MAP3K4: variants seen among roughly 807,000 people sequenced by gnomAD.
The protein encoded by MAP3K4 is mitogen-activated protein kinase kinase kinase 4, also known as MAP three kinase 1.
Under a neutral mutation model 185.6 loss-of-function variants are expected in MAP3K4, and 67 were observed. That is an observed-to-expected ratio of 0.36 (90% CI 0.30 to 0.44). MAP3K4 has a LOEUF of 0.44. Among genes scored for constraint, MAP3K4 ranks in the 20% least tolerant of loss-of-function variants. The pLI is 1.00. For synonymous variants in MAP3K4, 702 were observed against 710.4 expected, an observed-to-expected ratio of 0.99 and a Z score of 0.19; for missense variants, 1,551 against 1,995.1, an observed-to-expected ratio of 0.78 and a Z score of 4.24.
rs575775552 is a variant in MAP3K4, at chr6:161,007,148, G to A, written c.152+15065G>A. On this transcript the variant is annotated intron_variant, in intron 1 of 26. Coordinates refer to ENST00000392142, the MANE Select transcript of MAP3K4 (RefSeq NM_005922.4). This position sits in a 1 kb window ranked among gnomAD's most constrained non-coding sequence, Gnocchi z 4.5. ...CCCCAGGTCACAGACCAGAAACAAGGCACAGGGGAACCCAGAGGTCTTGTT... is the reference window on the plus strand; with the variant it reads ...CCCCAGGTCACAGACCAGAAACAAGACACAGGGGAACCCAGAGGTCTTGTT... Among the ~76,000 whole-genome samples, 4 of 152,184 alleles carry A rather than the reference G, an allele frequency of 2.6e-5. No homozygotes were observed. Among genetic ancestry groups the A allele is most frequent in the Non-Finnish European group, 5.9e-5 (4 of 68,020 alleles).
chr6:161,068,490 T>G (rs1784799057), intron 3 of MAP3K4, among the ~76,000 whole-genome samples: 1 of 152,222 alleles, frequency 6.6e-6, no homozygotes, highest in Non-Finnish European at 1.5e-5. Context: ...TCAAGATCTA[T>G]GCAGAGACCT....
chr6:161,050,383 T>C (rs1332834499), intron 3 of MAP3K4, among the ~76,000 whole-genome samples: 3 of 152,222 alleles, frequency 2.0e-5, no homozygotes, highest in South Asian at 2.1e-4. Flanking sequence ...GAGTTCTTTC[T>C]CTATCCTTTG....
intron 7 of MAP3K4, among the ~76,000 whole-genome samples, chr6:161,085,412 G>A (rs866437175): frequency 6.6e-6 from 1 of 152,060 alleles, no homozygotes; most frequent in Non-Finnish European, 1.5e-5. Flanking sequence ...TATTTAGGTC[G>A]AAACTTTTGA....
Position 161,061,404 on chromosome 6 carries a change from T to A in MAP3K4, c.1708-9204T>A, listed in dbSNP as rs1784481041. On this transcript the variant is annotated intron_variant, in intron 3 of 26. Transcript: ENST00000392142. This position sits in a 1 kb window ranked among gnomAD's most constrained non-coding sequence, Gnocchi z 4.2. ...TCGTGGCTCTGCCACTGACTAGATA[T>A]ACAGTTAGATTCTTTTTTCTACTTT... Among the ~76,000 whole-genome samples, 1 of 152,252 alleles carries A rather than the reference T, an allele frequency of 6.6e-6. No individual in the cohort carries two copies. Among genetic ancestry groups the A allele is most frequent in the Admixed American group, 6.5e-5 (1 of 15,288 alleles).
At chr6:161,021,700 T>A (rs1351139548) in intron 1 of MAP3K4, among the ~76,000 whole-genome samples, 3 of 152,226 alleles carry the variant, frequency 2.0e-5, no homozygotes, top group Non-Finnish European at 4.4e-5. Context: ...ACTCTCCAGT[T>A]CTCTGTAGAT....
chr6:161,037,112 A>G lies in MAP3K4; in HGVS notation c.343+2663A>G, dbSNP rs1464925642. Among the ~76,000 whole-genome samples, 1 of 152,210 alleles carries G rather than the reference A, an allele frequency of 6.6e-6. No homozygotes were observed. The highest frequency in any genetic ancestry group is 1.5e-5 in the Non-Finnish European group (1 of 68,042). On this transcript the variant is annotated intron_variant, in intron 2 of 26. Transcript: ENST00000392142. This position sits in a 1 kb window ranked among gnomAD's most constrained non-coding sequence, Gnocchi z 4.2. The stretch of plus-strand genomic sequence containing the variant: ...TTCTTGCGGACATTCTTGTTTATGA[A>G]TACCAAGACAAGGTGGAAATGGGAC...
intron 1 of MAP3K4, among the ~76,000 whole-genome samples, chr6:161,032,136 T>C (rs185591300): frequency 9.2e-5 from 14 of 152,368 alleles, no homozygotes; most frequent in African/African-American, 3.1e-4. Context: ...AGTCTTTTCT[T>C]AGTGTTTCCT....
At chr6:161,020,849 T>G (rs1318374036) in intron 1 of MAP3K4, among the ~76,000 whole-genome samples, 2 of 152,202 alleles carry the variant, frequency 1.3e-5, no homozygotes, top group African/African-American at 4.8e-5. Context: ...GTTAGACATT[T>G]CTTTTCTAAA....
At chr6:161,062,855 A>C (rs533717683) in intron 3 of MAP3K4, among the ~76,000 whole-genome samples, 1 of 152,210 alleles carries the variant, frequency 6.6e-6, no homozygotes, top group East Asian at 1.9e-4. Context: ...GTACACTTTG[A>C]ATAAATAGTT....
Position 160,998,045 on chromosome 6 carries a change from A to T in MAP3K4, c.152+5962A>T, listed in dbSNP as rs528933356. On this transcript the variant is annotated intron_variant, in intron 1 of 26. Coordinates refer to ENST00000392142, the MANE Select transcript of MAP3K4 (RefSeq NM_005922.4). ...CCTTTAAAATAAATAAATAAATAAAAATAAATAAAGAGATGGCAGTCTCTG... is the reference window on the plus strand; with the variant it reads ...CCTTTAAAATAAATAAATAAATAAATATAAATAAAGAGATGGCAGTCTCTG... 2.0e-4 allele frequency among the ~76,000 whole-genome samples: 31 copies of T among 152,214 alleles called. No homozygotes were observed. In the South Asian group the frequency reaches 4.4e-3, roughly 21 times the overall value.
intron 17 of MAP3K4, among the ~76,000 whole-genome samples, chr6:161,099,545 A>G (rs1288204258): frequency 1.3e-5 from 2 of 152,232 alleles, no homozygotes; most frequent in Non-Finnish European, 2.9e-5. Context: ...TTTCATGGCA[A>G]ATATCTTCAT....
chr6:161,087,635 C>G lies in MAP3K4; in HGVS notation c.2557-53C>G. On this transcript the variant is annotated intron_variant, in intron 9 of 26. Transcript: ENST00000392142. The surrounding 1 kb of genome is among the most constrained non-coding windows in gnomAD (Gnocchi z 4.9). ...CTTTCCTAGGTTTGTTTTAAATAACCTATTTCTCTAATGTACAGTGTTCCT... is the reference window on the plus strand; with the variant it reads ...CTTTCCTAGGTTTGTTTTAAATAACGTATTTCTCTAATGTACAGTGTTCCT... The G allele has an allele frequency of 6.3e-7, 1 of 1,584,498 alleles. No individual in the cohort carries two copies. The highest frequency in any genetic ancestry group is 1.7e-5 in the Admixed American group (1 of 59,582).
chr6:161,108,610 A>AT lies in MAP3K4; in HGVS notation c.4120-127dup, dbSNP rs2114913485. The AT allele has an allele frequency of 1.5e-6, 1 of 654,946 alleles. No homozygotes were observed. Among genetic ancestry groups the AT allele is most frequent in the Non-Finnish European group, 2.7e-6 (1 of 370,100 alleles). 40.6% of individuals were successfully genotyped at this position (654,946 alleles called of 1,614,324 possible). A position where few individuals can be genotyped will look rare whatever the true frequency, so the allele number is the denominator to read the frequency against. ...TGGCTAAAAACTTCCTTTTTACTTA[A>AT]TTTTTTGTTGTTTTTAATTGACAAA... On this transcript the variant is annotated intron_variant, in intron 21 of 26. Transcript: ENST00000392142. The surrounding 1 kb of genome is among the most constrained non-coding windows in gnomAD (Gnocchi z 5.7).
At chr6:161,020,670 A>AG (rs1291429788) in intron 1 of MAP3K4, among the ~76,000 whole-genome samples, 1 of 151,118 alleles carries the variant, frequency 6.6e-6, no homozygotes, top group Non-Finnish European at 1.5e-5. Context: ...AAAAAAAAAA[A>AG]AAAACAAGAA....
Position 161,049,238 on chromosome 6 carries a change from A to G in MAP3K4, c.966A>G (p.Val322=). The change falls in exon 3 of 27, where the codon GTA becomes GTG. Residue 322 remains valine, a synonymous_variant. Transcript: ENST00000392142. The surrounding 1 kb of genome is among the most constrained non-coding windows in gnomAD (Gnocchi z 8.4). ...GAGCTGGTTTTAATGGTACTTCAGT[A>G]GAAGGGCAGTGCAAAGCCACTCCTG... ...RDRAGFNGTS[V]EGQCKATPGT... The G allele has an allele frequency of 1.2e-6, 2 of 1,614,202 alleles. No individual in the cohort carries two copies. Among genetic ancestry groups the G allele is most frequent in the African/African-American group, 1.3e-5 (1 of 75,052 alleles).
Position 161,051,655 on chromosome 6 carries a change from G to T in MAP3K4, c.1707+1676G>T, listed in dbSNP as rs567568421. On this transcript the variant is annotated intron_variant, in intron 3 of 26. Coordinates refer to ENST00000392142, the MANE Select transcript of MAP3K4 (RefSeq NM_005922.4). The surrounding 1 kb of genome is among the most constrained non-coding windows in gnomAD (Gnocchi z 4.2). ...AACATCCCTTGGTATCTCATCCCAG[G>T]GGGATTTGTTCCAGGACCCCCATGG... Among the ~76,000 whole-genome samples the T allele has an allele frequency of 6.6e-6, 1 of 152,246 alleles. No individual in the cohort carries two copies. The highest frequency in any genetic ancestry group is 1.9e-4 in the East Asian group (1 of 5,166).
In MAP3K4 at chr6:161,078,849, C is replaced by T. The variant is rs1449295319; in HGVS notation, c.2098-2032C>T. 3.9e-5 allele frequency among the ~76,000 whole-genome samples: 6 copies of T among 152,150 alleles called. No individual in the cohort carries two copies. In the East Asian group the frequency reaches 9.6e-4, roughly 24 times the overall value. On this transcript the variant is annotated intron_variant, in intron 5 of 26. Coordinates refer to ENST00000392142, the MANE Select transcript of MAP3K4 (RefSeq NM_005922.4). ...AGGGGGCCAGTGGTGTGGCTGATGA[C>T]GTAAATCTTAAAGGGGTAGGGTCTT...
At chr6:161,092,923 C>T (rs1424680210) in intron 13 of MAP3K4, 55 bp from the exon 14 acceptor site, 2 of 1,045,192 alleles carry the variant, frequency 1.9e-6, no homozygotes, top group African/African-American at 3.1e-5. Flanking sequence ...CAGTCTAAAA[C>T]TGCTACAGCG....
chr6:161,002,186 T>C (rs910767684), intron 1 of MAP3K4, among the ~76,000 whole-genome samples: 1 of 151,954 alleles, frequency 6.6e-6, no homozygotes, highest in Non-Finnish European at 1.5e-5. Context: ...ATCATGCTGC[T>C]AAATTAAGAA....
Sources: gnomAD v4.1 joint callset for allele counts (sites outside exome capture counted in the v4.1 genomes callset) on GRCh38, gnomAD v4.1.1 for gene constraint, Gnocchi (gnomAD v3.1) non-coding constraint, MANE v1.5 for transcripts, NCBI Gene and HGNC (gene_info 2026-07-23, HGNC 2026-07-21) for gene names.